Variants in TRIM14 observed in about 807,000 individuals in gnomAD.
TRIM14 encodes the protein tripartite motif containing 14.
A neutral mutation model predicts 44.5 loss-of-function variants in TRIM14; 28 were observed. The ratio of observed to expected loss-of-function variants is 0.63; its 90% CI spans 0.47 to 0.86. The LOEUF is 0.86. TRIM14 is among the 40% of genes least tolerant of loss of function. The pLI is 0.00. For synonymous variants in TRIM14, 299 were observed against 269.2 expected, an observed-to-expected ratio of 1.11 and a Z score of -1.08; for missense variants, 607 against 611.1, an observed-to-expected ratio of 0.99 and a Z score of 0.07.
chr9:98,048,278 G>GTAAAAA, the TRIM14 span, among the ~76,000 whole-genome samples: 1 of 152,018 alleles, frequency 6.6e-6, no homozygotes, highest in Admixed American at 6.6e-5. Flanking sequence ...CTTAATATTG[G>GTAAAAA]GGGAATCCAT....
intron 6 of TRIM14, among the ~76,000 whole-genome samples, chr9:98,071,146 C>T (rs1331260382): frequency 6.6e-6 from 1 of 152,220 alleles, no homozygotes; most frequent in Non-Finnish European, 1.5e-5. Context: ...AAGATGAAAA[C>T]ATTTGGGACT....
intron 2 of TRIM14, among the ~76,000 whole-genome samples, chr9:98,104,339 A>T (rs1826520117): frequency 6.6e-6 from 1 of 152,236 alleles, no homozygotes; most frequent in South Asian, 2.1e-4. Context: ...TCTCCTCCCA[A>T]CCAAGTTATG....
downstream of TRIM14, among the ~76,000 whole-genome samples, chr9:98,079,630 A>AAC (rs1829759228): frequency 6.6e-6 from 1 of 152,204 alleles, no homozygotes; most frequent in African/African-American, 2.4e-5. Context: ...GTCGAAAGTA[A>AAC]ACATCCCCTG....
chr9:98,082,338 T>C (rs991453107), downstream of TRIM14, among the ~76,000 whole-genome samples: 2 of 152,224 alleles, frequency 1.3e-5, no homozygotes, highest in Non-Finnish European at 2.9e-5. Context: ...CCCTATGTTA[T>C]GTTTCATCTT....
At chr9:98,112,687 T>C (rs751529807) in intron 1 of TRIM14, among the ~76,000 whole-genome samples, 2 of 149,644 alleles carry the variant, frequency 1.3e-5, no homozygotes, top group Non-Finnish European at 2.9e-5. Flanking sequence ...TAATCACAGC[T>C]ACTCAGGAGG....
At chr9:98,081,802 A>G (rs1829875216), downstream of TRIM14, 1 of 152,230 alleles carries the variant, frequency 6.6e-6, no homozygotes, top group African/African-American at 2.4e-5. Context: ...GACTGTTGTC[A>G]CCTTTTATTC....
At chr9:98,046,887 C>A in the TRIM14 span, among the ~76,000 whole-genome samples, 3 of 152,294 alleles carry the variant, frequency 2.0e-5, no homozygotes, top group Admixed American at 2.0e-4. Context: ...GGATTAGGCA[C>A]GTACAGGACC....
chr9:98,052,415 C>T, the TRIM14 span, among the ~76,000 whole-genome samples: 3 of 151,654 alleles, frequency 2.0e-5, no homozygotes, highest in African/African-American at 7.3e-5. Context: ...AACATAAAGG[C>T]TTTTTAAATA....
chr9:98,104,378 G>A (rs990885315), intron 2 of TRIM14, among the ~76,000 whole-genome samples: 1 of 152,086 alleles, frequency 6.6e-6, no homozygotes, highest in Admixed American at 6.6e-5. Flanking sequence ...GATCCACTTT[G>A]TAAAGTAGAA....
chr9:98,111,754 C>T (rs376975794), intron 1 of TRIM14, among the ~76,000 whole-genome samples: 62 of 152,176 alleles, frequency 4.1e-4, no homozygotes, highest in African/African-American at 8.9e-4. Context: ...GCCTGACCAA[C>T]GTGGAGAAAC....
rs778055619 is a variant in TRIM14, at chr9:98,091,966, T to C, written c.736A>G (p.Lys246Glu). 75 of 1,610,438 alleles carry C rather than the reference T, an allele frequency of 4.7e-5. No individual in the cohort carries two copies. Among genetic ancestry groups the C allele is most frequent in the Non-Finnish European group, 5.9e-5 (69 of 1,177,528 alleles). ...CTGGTTTTCAACAAGGTACCTGGCTTGGTGCTGGAAGGGTCTGAGAGCTGG... is the reference window on the plus strand; with the variant it reads ...CTGGTTTTCAACAAGGTACCTGGCTCGGTGCTGGAAGGGTCTGAGAGCTGG... ...NCQLSDPSSTKPGTLLKTSPS... is the reference protein window; with the variant it reads ...NCQLSDPSSTEPGTLLKTSPS... The change falls in exon 5 of 6, where the codon AAG becomes GAG. Residue 246 changes from lysine to glutamate, a missense_variant. Around this residue, in one of 3 missense-constraint regions of TRIM14, gnomAD observed 356 missense variants for 323.0 expected, o/e 1.10. Transcript: ENST00000341469.
At chr9:98,039,060 C>G in the TRIM14 span, among the ~76,000 whole-genome samples, 1 of 151,118 alleles carries the variant, frequency 6.6e-6, no homozygotes, top group Admixed American at 6.6e-5. Flanking sequence ...AAAAAAAAAC[C>G]AAAAAAAACC....
At chr9:98,068,996 A>G (rs1829232968), downstream of TRIM14, among the ~76,000 whole-genome samples, 1 of 152,174 alleles carries the variant, frequency 6.6e-6, no homozygotes, top group Non-Finnish European at 1.5e-5. Context: ...TAATTCATAT[A>G]CTGTATAATT....
At chr9:98,036,728 C>T in the TRIM14 span, among the ~76,000 whole-genome samples, 3 of 152,072 alleles carry the variant, frequency 2.0e-5, no homozygotes, top group African/African-American at 4.8e-5. Flanking sequence ...TGCTTGAACC[C>T]GGGAGGCAGA....
At chr9:98,051,799 A>G in the TRIM14 span, among the ~76,000 whole-genome samples, 1 of 151,996 alleles carries the variant, frequency 6.6e-6, no homozygotes, top group African/African-American at 2.4e-5. Context: ...AAGATAGTGC[A>G]ATGCTTCTAC....
intron 6 of TRIM14, chr9:98,076,883 A>G (rs749535265): frequency 8.5e-6 from 13 of 1,534,616 alleles, no homozygotes; most frequent in South Asian, 4.6e-5. Flanking sequence ...TTTTTGGACA[A>G]TGGTGAAAAG....
At chr9:98,043,842 A>C in the TRIM14 span, among the ~76,000 whole-genome samples, 7 of 151,936 alleles carry the variant, frequency 4.6e-5, no homozygotes, top group Non-Finnish European at 8.8e-5. Flanking sequence ...AATTCTGTGG[A>C]CCTTTGGGCT....
At chr9:98,090,394 A>C (rs1825950799) in intron 5 of TRIM14, among the ~76,000 whole-genome samples, 1 of 152,190 alleles carries the variant, frequency 6.6e-6, no homozygotes, top group Non-Finnish European at 1.5e-5. Context: ...ATAGTCCTAG[A>C]AGTCTGGAGA....
chr9:98,039,757 G>A, the TRIM14 span, among the ~76,000 whole-genome samples: 1 of 151,982 alleles, frequency 6.6e-6, no homozygotes, highest in Non-Finnish European at 1.5e-5. Flanking sequence ...TTTCATCCCT[G>A]AACAATCAGC....
Sources: gnomAD v4.1 joint callset for allele counts (sites outside exome capture counted in the v4.1 genomes callset) on GRCh38, gnomAD v4.1.1 for gene constraint, gnomAD v4.1.1 regional missense constraint, MANE v1.5 for transcripts, NCBI Gene and HGNC (gene_info 2026-07-23, HGNC 2026-07-21) for gene names.